Variants in ABCC1 observed in about 807,000 individuals in gnomAD.
The protein encoded by ABCC1 is ATP binding cassette subfamily C member 1 (ABCC1 blood group), also known as multidrug resistance-associated protein 1.
ABCC1 carries 83 observed loss-of-function variants against 172.9 expected under a neutral mutation model. That is an observed-to-expected ratio of 0.48 (90% CI 0.40 to 0.58). The LOEUF (loss-of-function observed/expected upper bound fraction) is 0.58, where lower values mean the gene tolerates loss of function less well. Ranked by LOEUF, ABCC1 falls within the 20% of genes least tolerant of loss-of-function variation. The pLI, the probability that ABCC1 is intolerant of heterozygous loss-of-function variation, is 0.00. For missense variants in ABCC1, 1,817 were observed against 2,002.7 expected (o/e 0.91, Z 1.77); for synonymous variants, 937 against 825.2 (o/e 1.14, Z -2.32).
chr16:15,994,681 A>G lies in ABCC1; in HGVS notation c.49-13135A>G, dbSNP rs534099689. The stretch of plus-strand genomic sequence containing the variant: ...AAATTCAAACAGTACGAAAGATAAT[A>G]CAACAAAAAATAGTAGTTGCCTTCC... On this transcript the variant is annotated intron_variant, in intron 1 of 30. Coordinates refer to ENST00000399410, the MANE Select transcript of ABCC1 (RefSeq NM_004996.4). Among the ~76,000 whole-genome samples, 194 of 152,246 alleles carry G rather than the reference A, an allele frequency of 1.3e-3. 1 individual carries two copies. Among genetic ancestry groups the G allele is most frequent in the African/African-American group, 4.5e-3 (188 of 41,570 alleles).
Position 16,136,492 on chromosome 16 carries a change from T to C in ABCC1, c.4140T>C (p.Phe1380=). The C allele has an allele frequency of 6.2e-7, 1 of 1,614,142 alleles. No homozygotes were observed. Among genetic ancestry groups the C allele is most frequent in the Non-Finnish European group, 8.5e-7 (1 of 1,180,022 alleles). The change falls in exon 29 of 31, where the codon TTT becomes TTC. Residue 1380 remains phenylalanine (F), a synonymous_variant. Transcript: ENST00000399410. The part of the protein sequence containing the change: ...ITIIPQDPVL[F]SGSLRMNLDP... ...TCTCTGAACAGGACCCTGTTTTGTT[T>C]TCGGGTTCCCTCCGAATGAACCTGG...
At chr16:16,040,923 T>C (rs1188285006) in intron 7 of ABCC1, among the ~76,000 whole-genome samples, 1 of 151,822 alleles carries the variant, frequency 6.6e-6, no homozygotes, top group Non-Finnish European at 1.5e-5. Context: ...GGAGCCGCCA[T>C]TGTATTTATT....
intron 24 of ABCC1, among the ~76,000 whole-genome samples, chr16:16,123,742 T>C (rs2045274557): frequency 1.3e-5 from 2 of 152,202 alleles, no homozygotes; most frequent in South Asian, 4.1e-4. Flanking sequence ...CCAGGCACAT[T>C]GGTTGACACC....
intron 20 of ABCC1, among the ~76,000 whole-genome samples, chr16:16,105,934 T>G (rs1198225909): frequency 6.7e-6 from 1 of 148,340 alleles, no homozygotes; most frequent in African/African-American, 2.5e-5. Flanking sequence ...TGGAGTGCAG[T>G]GGTGCAATCA....
intron 1 of ABCC1, among the ~76,000 whole-genome samples, chr16:15,977,338 G>T (rs2151566910): frequency 6.6e-6 from 1 of 152,236 alleles, no homozygotes; most frequent in South Asian, 2.1e-4. Context: ...TTCTGGCTCT[G>T]GCCTGTCTTC....
chr16:15,950,844 G>A (rs1202014873), intron 1 of ABCC1, among the ~76,000 whole-genome samples: 1 of 152,058 alleles, frequency 6.6e-6, no homozygotes, highest in African/African-American at 2.4e-5. Context: ...TTCTTGTCCT[G>A]TTTTGCCGGC....
At chr16:16,133,730 C>G (rs2152145654) in intron 27 of ABCC1, among the ~76,000 whole-genome samples, 1 of 152,232 alleles carries the variant, frequency 6.6e-6, no homozygotes, top group South Asian at 2.1e-4. Context: ...TGGCTTATCT[C>G]ACGTCATGAG....
chr16:16,121,783 T>C (rs1389014684), intron 23 of ABCC1, among the ~76,000 whole-genome samples, 192 bp from the exon 24 acceptor site: 1 of 152,218 alleles, frequency 6.6e-6, no homozygotes, highest in Non-Finnish European at 1.5e-5. Flanking sequence ...TTATTGTCAC[T>C]GTCCTTGTCA....
chr16:16,045,826 TC>T lies in ABCC1; in HGVS notation c.1041-8del, dbSNP rs1437078731. The T allele has an allele frequency of 6.2e-6, 10 of 1,613,626 alleles. No homozygotes were observed. The highest frequency in any genetic ancestry group is 8.5e-6 in the Non-Finnish European group (10 of 1,179,700). ...AAGTCATTCCAGGCCCTCTCTTTGC[TC>T]CTTTGCAGGTTGCTCATCAAGTTCG... On this transcript the variant is annotated splice_polypyrimidine_tract_variant and intron_variant, in intron 8 of 30. Coordinates refer to ENST00000399410, the MANE Select transcript of ABCC1 (RefSeq NM_004996.4).
chr16:16,115,862 T>A (rs1418562380), intron 23 of ABCC1, among the ~76,000 whole-genome samples: 1 of 151,922 alleles, frequency 6.6e-6, no homozygotes, highest in African/African-American at 2.4e-5. Flanking sequence ...ATTTAAAAAA[T>A]CTTACCATAT....
In ABCC1 at chr16:16,131,933, A is replaced by G; in HGVS notation, c.3964A>G (p.Lys1322Glu). The change falls in exon 27 of 31, where the codon AAG (lysine) becomes GAG (glutamate). Residue 1322 changes from lysine (K) to glutamate (E), a missense_variant and splice_region_variant. By Grantham distance (56) the Lys-to-Glu change is moderately conservative. Coordinates refer to ENST00000399410, the MANE Select transcript of ABCC1 (RefSeq NM_004996.4). ...HINVTINGGE[K>E]VGIVGRTGAG... ...CAATGTCACGATCAATGGGGGAGAA[A>G]AGGTGGGTACACATCGCCCCATTCC... The G allele has an allele frequency of 1.9e-6, 3 of 1,613,602 alleles. No individual in the cohort carries two copies. Among genetic ancestry groups the G allele is most frequent in the Non-Finnish European group, 2.5e-6 (3 of 1,179,810 alleles).
chr16:16,101,893 G>C (rs1044700439), intron 19 of ABCC1, among the ~76,000 whole-genome samples: 7 of 152,284 alleles, frequency 4.6e-5, no homozygotes, highest in Admixed American at 3.9e-4. Flanking sequence ...TGTGTCCCTT[G>C]GTGTCCTTAT....
At chr16:16,110,864 G>A (rs1303856412) in intron 21 of ABCC1, among the ~76,000 whole-genome samples, 4 of 152,080 alleles carry the variant, frequency 2.6e-5, no homozygotes, top group African/African-American at 7.2e-5. Flanking sequence ...ATCTCACCAC[G>A]CGACTGGAAG....
chr16:16,106,665 G>A (rs2052127426), intron 20 of ABCC1, 73 bp from the exon 21 acceptor site: 2 of 1,595,004 alleles, frequency 1.3e-6, no homozygotes, highest in Non-Finnish European at 8.6e-7. Context: ...CACAATAGCA[G>A]TCCCAGCAGG....
At chr16:16,124,184 G>T (rs2045299254) in intron 24 of ABCC1, among the ~76,000 whole-genome samples, 1 of 152,152 alleles carries the variant, frequency 6.6e-6, no homozygotes, top group South Asian at 2.1e-4. Context: ...ACAAGAGACT[G>T]TTATTTTCTA....
At chr16:16,040,593 A>C (rs1218448070) in intron 7 of ABCC1, among the ~76,000 whole-genome samples, 2 of 149,782 alleles carry the variant, frequency 1.3e-5, no homozygotes, top group African/African-American at 4.9e-5. Flanking sequence ...GGCCTTTTTA[A>C]ATTTATTTTA....
intron 12 of ABCC1, among the ~76,000 whole-genome samples, chr16:16,057,495 C>T (rs1323460190): frequency 6.7e-6 from 1 of 150,370 alleles, no homozygotes; most frequent in Non-Finnish European, 1.5e-5. Context: ...GTATATAAAA[C>T]AGTGCATAGC....
intron 15 of ABCC1, among the ~76,000 whole-genome samples, chr16:16,077,985 C>G (rs1467784288): frequency 6.6e-6 from 1 of 152,114 alleles, no homozygotes; most frequent in East Asian, 1.9e-4. Context: ...TGGGGAAACC[C>G]CATCTGTACT....
At chr16:16,052,014 T>G (rs2049450551) in intron 10 of ABCC1, among the ~76,000 whole-genome samples, 1 of 152,124 alleles carries the variant, frequency 6.6e-6, no homozygotes, top group South Asian at 2.1e-4. Flanking sequence ...GAAAGTCGCT[T>G]GAGCCCATGA....
Sources: gnomAD v4.1 joint callset for allele counts (sites outside exome capture counted in the v4.1 genomes callset) on GRCh38, gnomAD v4.1.1 for gene constraint, MANE v1.5 for transcripts, NCBI Gene and HGNC (gene_info 2026-07-23, HGNC 2026-07-21) for gene names.